SOX6: variants seen among roughly 807,000 people sequenced by gnomAD.
The protein encoded by SOX6 is SRY-box transcription factor 6.
SOX6 carries 11 observed loss-of-function variants against 97.8 expected under a neutral mutation model. That is an observed-to-expected ratio of 0.11 (90% CI 0.07 to 0.19). SOX6 has a LOEUF of 0.19. SOX6 is among the 10% of genes least tolerant of loss of function. The pLI is 1.00. For missense variants in SOX6, 810 were observed against 1,039.5 expected (o/e 0.78, Z 3.04); for synonymous variants, 360 against 371.4 (o/e 0.97, Z 0.35).
chr11:16,087,956 C>T (rs1848611799), intron 9 of SOX6, among the ~76,000 whole-genome samples: 1 of 151,630 alleles, frequency 6.6e-6, no homozygotes, highest in South Asian at 2.1e-4. Flanking sequence ...GCATCCTCAC[C>T]CTCTAGACAT....
chr11:16,048,267 C>A (rs1435419735), intron 11 of SOX6, among the ~76,000 whole-genome samples: 1 of 152,186 alleles, frequency 6.6e-6, no homozygotes, highest in African/African-American at 2.4e-5. Flanking sequence ...TGATTTAATT[C>A]TATCTTCTAT....
intron 13 of SOX6, among the ~76,000 whole-genome samples, chr11:15,990,948 T>C (rs1854031221): frequency 6.6e-6 from 1 of 152,196 alleles, no homozygotes; most frequent in South Asian, 2.1e-4. Flanking sequence ...TCAAAGCCAG[T>C]AATAAATTAC....
intron 3 of SOX6, among the ~76,000 whole-genome samples, chr11:16,690,655 C>A (rs532829744): frequency 6.6e-6 from 1 of 152,128 alleles, no homozygotes; most frequent in Non-Finnish European, 1.5e-5. Context: ...GCTTTTCATG[C>A]GATGCAAGGA....
At chr11:16,449,277 C>CTTTTTTTTTTTTTTTTT (rs10611823) in intron 1 of SOX6, among the ~76,000 whole-genome samples, 1 of 62,906 alleles carries the variant, frequency 1.6e-5, no homozygotes, top group African/African-American at 7.2e-5. Context: ...AATGCTCCTT[C>CTTTTTTTTTTTTTTTTT]TTTTTTTTTT....
In SOX6 at chr11:16,132,409, G is replaced by A. The variant is rs1263999508; in HGVS notation, c.778-20486C>T. On this transcript the variant is annotated intron_variant, in intron 6 of 15. Transcript: ENST00000683767. ...AAGAAAGAAAGAAAGAAAAAAGAAA[G>A]AAAGAAAGAAAGAAAGAAAGAAAGA... Among the ~76,000 whole-genome samples, 337 of 64,532 alleles carry A rather than the reference G, an allele frequency of 5.2e-3. 31 individuals are homozygous for A. Among genetic ancestry groups the A allele is most frequent in the African/African-American group, 0.019 (311 of 16,074 alleles). The allele number at this position is 64,532 out of a possible 152,430, so 42.3% of individuals were successfully genotyped here. A position where few individuals can be genotyped will look rare whatever the true frequency, so the allele number is the denominator to read the frequency against.
chr11:16,317,994 C>A (rs914989575), intron 3 of SOX6: 20 of 451,484 alleles, frequency 4.4e-5, no homozygotes, highest in Non-Finnish European at 8.5e-5. Context: ...AGCCCTCTAA[C>A]TCTCCATTCT....
At chr11:16,262,954 T>G (rs1337424460) in intron 3 of SOX6, among the ~76,000 whole-genome samples, 1 of 151,978 alleles carries the variant, frequency 6.6e-6, no homozygotes, top group African/African-American at 2.4e-5. Flanking sequence ...AATCTTTATT[T>G]AATATCTACT....
At chr11:16,364,290 T>TA (rs1857289228) in intron 1 of SOX6, among the ~76,000 whole-genome samples, 1 of 152,134 alleles carries the variant, frequency 6.6e-6, no homozygotes, top group Non-Finnish European at 1.5e-5. Flanking sequence ...TGTCAGGACT[T>TA]ACAGGATAAG....
chr11:16,374,899 C>G (rs979379485), intron 1 of SOX6, among the ~76,000 whole-genome samples: 1 of 151,950 alleles, frequency 6.6e-6, no homozygotes, highest in Non-Finnish European at 1.5e-5. Flanking sequence ...AACTTCTCTC[C>G]ACGATCATTT....
intron 6 of SOX6, among the ~76,000 whole-genome samples, chr11:16,124,779 A>G (rs994743782): frequency 6.6e-6 from 1 of 152,084 alleles, no homozygotes; most frequent in Non-Finnish European, 1.5e-5. Flanking sequence ...GAGTATTACC[A>G]TGAGACCTAT....
chr11:16,010,007 C>T (rs528094616), intron 13 of SOX6, among the ~76,000 whole-genome samples: 25 of 151,798 alleles, frequency 1.6e-4, no homozygotes, highest in Non-Finnish European at 1.0e-4. Context: ...TCATATTAAG[C>T]GGTGTGTTTT....
chr11:16,013,986 G>A (rs1463701216), intron 13 of SOX6, among the ~76,000 whole-genome samples: 1 of 152,058 alleles, frequency 6.6e-6, no homozygotes, highest in Non-Finnish European at 1.5e-5. Flanking sequence ...TTAAGCTAAA[G>A]AAGGACTTTA....
chr11:16,015,110 C>T, intron 12 of SOX6, 60 bp from the exon 13 acceptor site: 1 of 1,427,902 alleles, frequency 7.0e-7, no homozygotes. Context: ...CATTTCCTTC[C>T]AGTTTCTATC....
intron 1 of SOX6, among the ~76,000 whole-genome samples, chr11:16,461,548 C>T (rs1048187932): frequency 1.2e-4 from 19 of 152,164 alleles, no homozygotes; most frequent in Non-Finnish European, 2.9e-5. Context: ...ATACTATGTG[C>T]TTCCATTCGT....
rs1315659796 is a variant in SOX6 at position 16,186,908 on chromosome 11, T to C, written c.583A>G (p.Ile195Val). 6.2e-7 allele frequency: 1 copy of C among 1,613,854 alleles called. No homozygotes were observed. Residue 195 changes from isoleucine (I) to valine (V), a missense_variant, in exon 5 of 16, where the codon ATT becomes GTT. Coordinates refer to ENST00000683767, the MANE Select transcript of SOX6 (RefSeq NM_001367873.1). ...AEKERQLSTM[I>V]TQLISLREQL... ...TCCCGTAAACTGATCAGCTGGGTAA[T>C]CATGGTGGAGAGCTGCCGTTCTTTT...
chr11:16,373,351 C>T (rs1476452668), intron 1 of SOX6, among the ~76,000 whole-genome samples: 3 of 152,066 alleles, frequency 2.0e-5, no homozygotes, highest in Non-Finnish European at 2.9e-5. Context: ...GCAAACGGGT[C>T]CTTCTTCAGT....
intron 1 of SOX6, among the ~76,000 whole-genome samples, chr11:16,372,345 A>T (rs1369052072): frequency 6.6e-6 from 1 of 152,076 alleles, no homozygotes; most frequent in Non-Finnish European, 1.5e-5. Flanking sequence ...TATATAATAG[A>T]CATATGTATA....
intron 4 of SOX6, among the ~76,000 whole-genome samples, chr11:16,574,895 C>G (rs1436112789): frequency 6.6e-6 from 1 of 151,888 alleles, no homozygotes; most frequent in Non-Finnish European, 1.5e-5. Context: ...CAAAAATTAG[C>G]TGGGCATGGT....
intron 9 of SOX6, among the ~76,000 whole-genome samples, chr11:16,074,412 T>C (rs1848300604): frequency 6.6e-6 from 1 of 152,072 alleles, no homozygotes; most frequent in African/African-American, 2.4e-5. Flanking sequence ...AATCCCTGAA[T>C]ACACCAATAA....
Sources: allele counts gnomAD v4.1 joint callset (sites outside exome capture counted in the v4.1 genomes callset), GRCh38; gene constraint gnomAD v4.1.1; transcripts MANE v1.5; gene names NCBI Gene and HGNC (gene_info 2026-07-23, HGNC 2026-07-21).